Variants in HSPG2 observed in about 807,000 individuals in gnomAD.
The protein encoded by HSPG2 is basement membrane-specific heparan sulfate proteoglycan core protein.
In HSPG2, 278 loss-of-function variants were observed where a neutral mutation model predicts 526.6. That is an observed-to-expected ratio of 0.53 (90% CI 0.48 to 0.58). The LOEUF (loss-of-function observed/expected upper bound fraction) is 0.58. Among genes scored for constraint, HSPG2 ranks in the 20% least tolerant of loss-of-function variants. The probability of loss-of-function intolerance (pLI) is 0.00; values close to 1 mark genes in which losing one functional copy is unlikely to be tolerated. For synonymous variants in HSPG2, 2,465 were observed against 2,555.4 expected (o/e 0.96, Z 1.07); for missense variants, 5,354 against 6,099.5 (o/e 0.88, Z 4.07).
At chr1:21,838,798 C>T in intron 74 of HSPG2, 27 bp downstream of exon 74, 1 of 1,608,138 alleles carries the variant, frequency 6.2e-7, no homozygotes, top group Non-Finnish European at 8.5e-7. Flanking sequence ...AGGTGATCCC[C>T]TTCCACGCAG....
intron 1 of HSPG2, among the ~76,000 whole-genome samples, chr1:21,905,632 C>T (rs1205890637): frequency 6.6e-6 from 1 of 152,198 alleles, no homozygotes; most frequent in Non-Finnish European, 1.5e-5. Flanking sequence ...ATCCCAGCTA[C>T]TTGGGAGGCT....
At position 21,824,067 on chromosome 1, in the gene HSPG2, TG is replaced by T. The variant is rs944501618; in HGVS notation, c.12899+53del. 2.0e-6 allele frequency: 3 copies of T among 1,494,410 alleles called. No individual in the cohort carries two copies. In the African/African-American group the frequency reaches 4.1e-5, roughly 21 times the overall value. The allele number at this position is 1,494,410 out of a possible 1,614,324, so 92.6% of individuals were successfully genotyped here. On this transcript the variant is annotated intron_variant, in intron 95 of 96. Coordinates refer to ENST00000374695, the MANE Select transcript of HSPG2 (RefSeq NM_005529.7). The surrounding 1 kb of genome is among the most constrained non-coding windows in gnomAD (Gnocchi z 5.9). ...TCTCTGCCCATGGTAGGGGGCGTCC[TG>T]CCCCACTCCAGAACGCTGGGCCCCA... is the stretch of plus-strand genomic sequence containing the variant.
rs140392638 is a variant in HSPG2, at chr1:21,878,586, C to T, written c.2549G>A (p.Arg850His). ...CAAGGCTCTCCCTCACCTCTCACAGCGGCGGCCAGTGTAGCCTGGGGCACA... is the reference window on the plus strand; with the variant it reads ...CAAGGCTCTCCCTCACCTCTCACAGTGGCGGCCAGTGTAGCCTGGGGCACA... ...DACAPGYTGR[R>H]CESCAPGYEG... Residue 850 changes from arginine (R) to histidine (H), a missense_variant, in exon 19 of 97, where the codon CGC becomes CAC. Coordinates refer to ENST00000374695, the MANE Select transcript of HSPG2 (RefSeq NM_005529.7). 324 of 1,614,108 alleles carry T rather than the reference C, an allele frequency of 2.0e-4. 2 individuals are homozygous for T. Among genetic ancestry groups the T allele is most frequent in the African/African-American group, 1.8e-3 (136 of 75,046 alleles).
At chr1:21,863,328 G>A (rs2152734109) in intron 37 of HSPG2, among the ~76,000 whole-genome samples, 1 of 151,486 alleles carries the variant, frequency 6.6e-6, no homozygotes, top group East Asian at 2.0e-4. Context: ...AGCCCAGATG[G>A]CGCCACTGCA....
rs763516662 is a variant in HSPG2, at chr1:21,890,108, A to G, written c.447T>C (p.Asp149=). 6.2e-7 allele frequency: 1 copy of G among 1,613,930 alleles called. No individual in the cohort carries two copies. The highest frequency in any genetic ancestry group is 2.2e-5 in the East Asian group (1 of 44,858). The change falls in exon 6 of 97, where the codon GAT becomes GAC. Residue 149 remains aspartate (D), a synonymous_variant. Transcript: ENST00000374695. The surrounding 1 kb of genome is among the most constrained non-coding windows in gnomAD (Gnocchi z 4.1). Reference sequence around the variant, plus strand: ...CATCCGCATTCCCTTCCGAGCCCACATCCAGCTCCACAAAAACCCAGCCAT... The same window carrying G: ...CATCCGCATTCCCTTCCGAGCCCACGTCCAGCTCCACAAAAACCCAGCCAT... ...ELDGWVFVEL[D]VGSEGNADGA...
At chr1:21,832,942 G>A (rs562878058) in intron 80 of HSPG2, 3 of 556,724 alleles carry the variant, frequency 5.4e-6, no homozygotes, top group Middle Eastern at 4.9e-4. Context: ...AAGAGAGGAG[G>A]AAAGGGTGAG....
rs1639400503 is a variant in HSPG2, at chr1:21,857,086, G to C, written c.5504C>G (p.Ala1835Gly). The C allele has an allele frequency of 4.3e-6, 7 of 1,614,174 alleles. No homozygotes were observed. Among genetic ancestry groups the C allele is most frequent in the Non-Finnish European group, 5.9e-6 (7 of 1,180,030 alleles). ...LTIRNVQLSD[A>G]GTYVCTGSNM... The stretch of plus-strand genomic sequence containing the variant: ...GGAGCCGGTGCACACGTAGGTGCCT[G>C]CATCACTCAGCTGGACGTTGCGAAT... The change falls in exon 44 of 97, where the codon GCA (alanine) becomes GGA (glycine). Residue 1835 changes from alanine (A) to glycine (G), a missense_variant. Coordinates refer to ENST00000374695, the MANE Select transcript of HSPG2 (RefSeq NM_005529.7).
chr1:21,887,131 G>GGGCGGGGCAGGAGTGGAA lies in HSPG2; in HGVS notation c.1078+66_1078+83dup, dbSNP rs755003280. ...GGGGGAAAGCGGAGGGGCAGGGTAGGGGCGGGGCAGGAGTGGAAGGCGGGG... is the reference window on the plus strand; with the variant it reads ...GGGGGAAAGCGGAGGGGCAGGGTAGGGGCGGGGCAGGAGTGGAAGGCGGGGCAGGAGTGGAAGGCGGGG... On this transcript the variant is annotated intron_variant, in intron 9 of 96. Coordinates refer to ENST00000374695, the MANE Select transcript of HSPG2 (RefSeq NM_005529.7). The surrounding 1 kb of genome is among the most constrained non-coding windows in gnomAD (Gnocchi z 5.0). 102,802 of 1,428,230 alleles carry GGGCGGGGCAGGAGTGGAA rather than the reference G, an allele frequency of 0.072. 5,068 individuals carry two copies. The highest frequency in any genetic ancestry group is 0.11 in the Middle Eastern group (441 of 4,152). 88.5% of individuals were successfully genotyped at this position (1,428,230 alleles called of 1,614,324 possible).
intron 1 of HSPG2, among the ~76,000 whole-genome samples, chr1:21,933,704 A>G (rs1030490795): frequency 1.3e-5 from 2 of 152,236 alleles, no homozygotes; most frequent in African/African-American, 4.8e-5. Flanking sequence ...GGGGTGGTCC[A>G]TCTCTGCCCC....
At chr1:21,885,182 G>C in intron 10 of HSPG2, 25 bp from the exon 11 acceptor site, 1 of 1,601,630 alleles carries the variant, frequency 6.2e-7, no homozygotes, top group Non-Finnish European at 8.5e-7. Flanking sequence ...GCAGGAGTGA[G>C]GGGTCGGGGG....
rs913562920 is a variant in HSPG2 at position 21,859,825 on chromosome 1, C to T, written c.5182+10G>A. The T allele has an allele frequency of 1.9e-6, 3 of 1,610,708 alleles. No individual in the cohort carries two copies. The highest frequency in any genetic ancestry group is 2.5e-6 in the Non-Finnish European group (3 of 1,179,410). On this transcript the variant is annotated intron_variant, in intron 41 of 96. Transcript: ENST00000374695. This position sits in a 1 kb window ranked among gnomAD's most constrained non-coding sequence, Gnocchi z 5.3. ...GCTCTTGGGGCTGAGGAGCCTAGGG[C>T]CATGGGTACCTTGATGTCGCTGCTG...
chr1:21,864,697 A>T lies in HSPG2; in HGVS notation c.4626+146T>A. 1 of 720,714 alleles carries T rather than the reference A, an allele frequency of 1.4e-6. No homozygotes were observed. Among genetic ancestry groups the T allele is most frequent in the Non-Finnish European group, 2.4e-6 (1 of 413,196 alleles). The allele number at this position is 720,714 out of a possible 1,614,324, so 44.6% of individuals were successfully genotyped here. A position where few individuals can be genotyped will look rare whatever the true frequency, so the allele number is the denominator to read the frequency against. ...TAAAGGGGATAATGATATGTAACTC[A>T]GGGCTGTCGGGAGGAATACATGCAG... is the stretch of plus-strand genomic sequence containing the variant. On this transcript the variant is annotated intron_variant, in intron 36 of 96. Transcript: ENST00000374695. The surrounding 1 kb of genome is among the most constrained non-coding windows in gnomAD (Gnocchi z 4.8).
intron 37 of HSPG2, among the ~76,000 whole-genome samples, chr1:21,863,385 A>G (rs955925689): frequency 2.6e-5 from 4 of 152,054 alleles, no homozygotes; most frequent in Admixed American, 2.6e-4. Context: ...AAAAAAAGAA[A>G]AAGAAAAGAA....
At chr1:21,935,000 G>C (rs1644449233) in intron 1 of HSPG2, among the ~76,000 whole-genome samples, 1 of 151,916 alleles carries the variant, frequency 6.6e-6, no homozygotes, top group East Asian at 1.9e-4. Flanking sequence ...TCCGCCTCCT[G>C]GGTTCAAGCG....
At chr1:21,882,400 T>C (rs1641583891) in intron 13 of HSPG2, among the ~76,000 whole-genome samples, 1 of 142,692 alleles carries the variant, frequency 7.0e-6, no homozygotes, top group African/African-American at 2.6e-5. Context: ...CTCTTCTATG[T>C]ACACACACAC....
At position 21,875,732 on chromosome 1, in the gene HSPG2, G is replaced by A. The variant is rs149534878; in HGVS notation, c.3199C>T (p.Pro1067Ser). The change falls in exon 25 of 97, where the codon CCC becomes TCC. Residue 1067 changes from proline to serine, a missense_variant. Physicochemically the swap from Pro to Ser is moderately conservative, Grantham distance 74. Transcript: ENST00000374695. ...TCCCGTGTGGCTGGCTGCCCATCGG[G>A]CCGCTGCCATGCTTGCTGCCAAGGA... ...VPFREQAWQR[P>S]DGQPATREHL... 2.5e-6 allele frequency: 4 copies of A among 1,605,072 alleles called. No homozygotes were observed. The African/African-American group carries it at 5.3e-5, about 21-fold the overall frequency.
Position 21,872,494 on chromosome 1 carries a change from G to T in HSPG2, c.4030-117C>A. The T allele has an allele frequency of 1.4e-6, 2 of 1,413,372 alleles. No individual in the cohort carries two copies. The highest frequency in any genetic ancestry group is 9.8e-7 in the Non-Finnish European group (1 of 1,023,472). 87.6% of individuals were successfully genotyped at this position (1,413,372 alleles called of 1,614,324 possible). On this transcript the variant is annotated intron_variant, in intron 32 of 96. Coordinates refer to ENST00000374695, the MANE Select transcript of HSPG2 (RefSeq NM_005529.7). This position sits in a 1 kb window ranked among gnomAD's most constrained non-coding sequence, Gnocchi z 5.5. ...GGTCCTGTTGAGATCAGGACTGCGA[G>T]AGAAATAATGGGGGCATGTGAGGGT...
At chr1:21,911,094 G>A (rs773070499) in intron 1 of HSPG2, among the ~76,000 whole-genome samples, 1 of 152,204 alleles carries the variant, frequency 6.6e-6, no homozygotes, top group Non-Finnish European at 1.5e-5. Context: ...CTTCAAGCAA[G>A]TTGCTTGGCC....
rs761428435 is a variant in HSPG2, at chr1:21,838,852, C to T, written c.10123G>A (p.Glu3375Lys). 6.8e-6 allele frequency: 11 copies of T among 1,612,214 alleles called. No individual in the cohort carries two copies. The highest frequency in any genetic ancestry group is 1.7e-5 in the Admixed American group (1 of 59,812). The change falls in exon 74 of 97, where the codon GAG (glutamate) becomes AAG (lysine). Residue 3375 changes from glutamate (E) to lysine (K), a missense_variant. Transcript: ENST00000374695. Reference sequence around the variant, plus strand: ...TGGACGAGCAGCTGGGCAAAGGCCTCGGCTGAGCCCACCTTGTTGGTGACC... The same window carrying T: ...TGGACGAGCAGCTGGGCAAAGGCCTTGGCTGAGCCCACCTTGTTGGTGACC... ...CRVTNKVGSAEAFAQLLVQGP... is the reference protein window; with the variant it reads ...CRVTNKVGSAKAFAQLLVQGP...
Sources: gnomAD v4.1 joint callset for allele counts (sites outside exome capture counted in the v4.1 genomes callset) on GRCh38, gnomAD v4.1.1 for gene constraint, Gnocchi (gnomAD v3.1) non-coding constraint, MANE v1.5 for transcripts, NCBI Gene and HGNC (gene_info 2026-07-23, HGNC 2026-07-21) for gene names.